CDH18: variants seen among roughly 807,000 people sequenced by gnomAD.
The protein encoded by CDH18 is cadherin 18, also known as cadherin-18.
In CDH18, 31 loss-of-function variants were observed where a neutral mutation model predicts 67.9. That is an observed-to-expected ratio of 0.46 (90% CI 0.34 to 0.62). The LOEUF is 0.62. Among genes scored for constraint, CDH18 ranks in the 20% least tolerant of loss-of-function variants. The pLI is 0.01. For synonymous variants in CDH18, 362 were observed against 347.2 expected, an observed-to-expected ratio of 1.04 and a Z score of -0.48; for missense variants, 890 against 975.5, an observed-to-expected ratio of 0.91 and a Z score of 1.17.
chr5:20,551,429 A>C (rs78158943), intron 1 of CDH18, among the ~76,000 whole-genome samples: 1 of 152,124 alleles, frequency 6.6e-6, no homozygotes, highest in Admixed American at 6.5e-5. Flanking sequence ...CAGGAAAAAG[A>C]CTAGTCTAAT....
intron 9 of CDH18, among the ~76,000 whole-genome samples, chr5:19,540,797 A>G (rs1197767094): frequency 6.6e-6 from 1 of 152,080 alleles, no homozygotes; most frequent in Non-Finnish European, 1.5e-5. Flanking sequence ...CCCAGCCCAC[A>G]CAACAATTTT....
intron 1 of CDH18, among the ~76,000 whole-genome samples, chr5:20,428,632 C>T (rs1002003343): frequency 6.6e-6 from 1 of 152,112 alleles, no homozygotes; most frequent in Non-Finnish European, 1.5e-5. Flanking sequence ...TGATAATTGC[C>T]ATTTTAACTG....
intron 2 of CDH18, among the ~76,000 whole-genome samples, chr5:20,053,606 C>A (rs1447284125): frequency 6.6e-6 from 1 of 152,050 alleles, no homozygotes; most frequent in Non-Finnish European, 1.5e-5. Flanking sequence ...TCTTATCAGT[C>A]CTTCCTTCAA....
chr5:19,872,185 T>C (rs952445449), intron 2 of CDH18, among the ~76,000 whole-genome samples: 3 of 152,136 alleles, frequency 2.0e-5, no homozygotes, highest in South Asian at 2.1e-4. Flanking sequence ...TAAGATTCTA[T>C]TGGCAAGTGA....
At chr5:20,455,072 G>A (rs1375159004) in intron 1 of CDH18, among the ~76,000 whole-genome samples, 2 of 73,532 alleles carry the variant, frequency 2.7e-5, no homozygotes, top group Admixed American at 3.9e-4. Context: ...AGAAAACTGT[G>A]AGCAGAAAAA....
At chr5:19,517,765 T>C (rs1746261817) in intron 10 of CDH18, among the ~76,000 whole-genome samples, 1 of 152,106 alleles carries the variant, frequency 6.6e-6, no homozygotes, top group Non-Finnish European at 1.5e-5. Flanking sequence ...TTCTCTCTCA[T>C]ATGCCTCTCA....
chr5:19,891,128 C>T (rs928703432), intron 2 of CDH18, among the ~76,000 whole-genome samples: 1 of 152,072 alleles, frequency 6.6e-6, no homozygotes, highest in Non-Finnish European at 1.5e-5. Context: ...CTGTATCATT[C>T]CATTTTACCT....
chr5:20,388,299 G>A (rs1273542511), intron 1 of CDH18, among the ~76,000 whole-genome samples: 1 of 152,004 alleles, frequency 6.6e-6, no homozygotes, highest in African/African-American at 2.4e-5. Context: ...GTCTTGGGAG[G>A]GTGTATGTGT....
Position 19,674,126 on chromosome 5 carries a change from T to C in CDH18, c.643+47221A>G, listed in dbSNP as rs1016154582. 9.2e-5 allele frequency among the ~76,000 whole-genome samples: 14 copies of C among 152,218 alleles called. No individual in the cohort carries two copies. In the East Asian group the frequency reaches 2.7e-3, roughly 29 times the overall value. On this transcript the variant is annotated intron_variant, in intron 5 of 12. Transcript: ENST00000382275. ...ACAATGATAACCTCCTACATTTATG[T>C]GTTAGTGAATTTGGTGAGGAATAAG...
chr5:19,742,288 G>T (rs1769313191), intron 4 of CDH18, among the ~76,000 whole-genome samples: 2 of 152,012 alleles, frequency 1.3e-5, no homozygotes, highest in Non-Finnish European at 1.5e-5. Context: ...TACACACCAA[G>T]GAAGTCTCTG....
chr5:19,646,358 T>C (rs1003206784), intron 5 of CDH18, among the ~76,000 whole-genome samples: 1 of 152,106 alleles, frequency 6.6e-6, no homozygotes, highest in Non-Finnish European at 1.5e-5. Flanking sequence ...ATTTTTGAGA[T>C]GGAGTCTCTC....
rs939381921 is a variant in CDH18 at position 19,472,614 on chromosome 5, C to T, written c.*612G>A. On this transcript the variant is annotated 3_prime_UTR_variant, in exon 13 of 13. Coordinates refer to ENST00000382275, the MANE Select transcript of CDH18 (RefSeq NM_004934.5). ...TACATTATAGTGCAGGCAGCAAATC[C>T]CCATGCTCCATCAGTTTTGTATGGA... is the stretch of plus-strand genomic sequence containing the variant. Among the ~76,000 whole-genome samples, 4 of 152,024 alleles carry T rather than the reference C, an allele frequency of 2.6e-5. No homozygotes were observed. The highest frequency in any genetic ancestry group is 6.6e-5 in the Admixed American group (1 of 15,230).
At chr5:20,216,351 T>C (rs1580500617) in intron 2 of CDH18, among the ~76,000 whole-genome samples, 1 of 151,886 alleles carries the variant, frequency 6.6e-6, no homozygotes, top group East Asian at 1.9e-4. Flanking sequence ...TGAAACACAA[T>C]GAAGCAAAGC....
intron 1 of CDH18, among the ~76,000 whole-genome samples, chr5:20,257,329 T>G (rs1580602282): frequency 6.6e-6 from 1 of 152,206 alleles, no homozygotes; most frequent in Non-Finnish European, 1.5e-5. Context: ...TTTTAAAAAT[T>G]GAGTTATTAG....
intron 1 of CDH18, among the ~76,000 whole-genome samples, chr5:20,423,933 C>G (rs561518020): frequency 2.0e-5 from 2 of 101,276 alleles, no homozygotes; most frequent in East Asian, 5.5e-4. Flanking sequence ...GGCGACTGAG[C>G]GAGACTCCGT....
At chr5:20,196,421 G>A (rs1372133572) in intron 2 of CDH18, among the ~76,000 whole-genome samples, 1 of 152,060 alleles carries the variant, frequency 6.6e-6, no homozygotes, top group Non-Finnish European at 1.5e-5. Flanking sequence ...TAATATGTGA[G>A]GGATCCAGAA....
intron 2 of CDH18, among the ~76,000 whole-genome samples, chr5:19,904,002 A>C (rs1790243664): frequency 6.6e-6 from 1 of 151,980 alleles, no homozygotes. Flanking sequence ...GGCCAGGCGC[A>C]GTGGCTCACG....
chr5:19,964,019 A>G (rs1428048374), intron 2 of CDH18, among the ~76,000 whole-genome samples: 2 of 152,048 alleles, frequency 1.3e-5, no homozygotes, highest in African/African-American at 2.4e-5. Flanking sequence ...TCCTTCCCTC[A>G]ACATGTGGGG....
chr5:19,717,127 T>C (rs528165341), intron 5 of CDH18, among the ~76,000 whole-genome samples: 1 of 152,156 alleles, frequency 6.6e-6, no homozygotes, highest in South Asian at 2.1e-4. Context: ...AACTACGATT[T>C]TGTAAAACAG....
Sources: gnomAD v4.1 joint callset for allele counts (sites outside exome capture counted in the v4.1 genomes callset) on GRCh38, gnomAD v4.1.1 for gene constraint, MANE v1.5 for transcripts, NCBI Gene and HGNC (gene_info 2026-07-23, HGNC 2026-07-21) for gene names.